Variants in LRRC20 observed in about 807,000 individuals in gnomAD.
LRRC20 encodes leucine rich repeat containing 20.
LRRC20 carries 11 observed loss-of-function variants against 14.4 expected under a neutral mutation model. The observed-to-expected ratio is 0.77, with a 90% confidence interval of 0.48 to 1.27. The LOEUF is 1.27. Ranked by LOEUF, LRRC20 falls within the 50% of genes most tolerant of loss-of-function variation. The pLI is 0.00. For missense variants in LRRC20, 219 were observed against 251.2 expected (o/e 0.87, Z 0.87); for synonymous variants, 121 against 107.3 (o/e 1.13, Z -0.79).
At chr10:70,339,180 G>A (rs187271221) in intron 3 of LRRC20, among the ~76,000 whole-genome samples, 1 of 152,338 alleles carries the variant, frequency 6.6e-6, no homozygotes, top group African/African-American at 2.4e-5. Context: ...GTAGACTATT[G>A]TGAAGCACTC....
intron 2 of LRRC20, among the ~76,000 whole-genome samples, chr10:70,344,275 C>G (rs1008603596): frequency 1.3e-5 from 2 of 152,052 alleles, no homozygotes; most frequent in African/African-American, 4.8e-5. Context: ...ATAGAAAGCA[C>G]AGACATTGAA....
intron 2 of LRRC20, among the ~76,000 whole-genome samples, chr10:70,353,913 T>C (rs1190798477): frequency 6.6e-6 from 1 of 152,186 alleles, no homozygotes; most frequent in Admixed American, 6.5e-5. Flanking sequence ...CACTAGTATA[T>C]TGCAGTTCCC....
At chr10:70,366,752 A>G (rs1345919180) in intron 2 of LRRC20, among the ~76,000 whole-genome samples, 1 of 152,190 alleles carries the variant, frequency 6.6e-6, no homozygotes, top group Non-Finnish European at 1.5e-5. Flanking sequence ...AACACAGAAA[A>G]TATTTGAAAA....
rs184816209 is a variant in LRRC20, at chr10:70,369,771, G to A, written c.82+6681C>T. Reference sequence around the variant, plus strand: ...TTAAAACCAGCAAACTGTTTACCACGATGCCTGGCATTTAATAAGGGCAAG... The same window carrying A: ...TTAAAACCAGCAAACTGTTTACCACAATGCCTGGCATTTAATAAGGGCAAG... On this transcript the variant is annotated intron_variant, in intron 2 of 4. Transcript: ENST00000446961. Among the ~76,000 whole-genome samples the A allele has an allele frequency of 1.2e-4, 19 of 152,132 alleles. No individual in the cohort carries two copies. In the East Asian group the frequency reaches 2.5e-3, roughly 20 times the overall value.
intron 3 of LRRC20, among the ~76,000 whole-genome samples, chr10:70,325,989 G>A (rs1227605908): frequency 6.6e-6 from 1 of 152,070 alleles, no homozygotes; most frequent in African/African-American, 2.4e-5. Flanking sequence ...TAAAATTCAT[G>A]CTCAATTTTG....
At chr10:70,349,099 G>A (rs887483188) in intron 2 of LRRC20, among the ~76,000 whole-genome samples, 1 of 152,174 alleles carries the variant, frequency 6.6e-6, no homozygotes, top group East Asian at 1.9e-4. Context: ...GGATGTCATC[G>A]AGAAGGTCTC....
chr10:70,354,199 G>A (rs1049821269), intron 2 of LRRC20, among the ~76,000 whole-genome samples: 1 of 152,086 alleles, frequency 6.6e-6, no homozygotes, highest in Non-Finnish European at 1.5e-5. Context: ...TTAATTAGTG[G>A]GGGCTGGGGC....
chr10:70,323,912 G>A lies in LRRC20; in HGVS notation c.351C>T (p.Thr117=), dbSNP rs556051923. ...TGATGGTCTCCAGCGCCGGCAGGGC[G>A]GTAAGCTGCTCAGGGAAGTCCTGGA... ...NQFQDFPEQL[T]ALPALETINL... The change falls in exon 4 of 5, where the codon ACC becomes ACT. Residue 117 remains threonine (T), a synonymous_variant. Transcript: ENST00000446961. The A allele has an allele frequency of 1.2e-5, 19 of 1,614,188 alleles. No individual in the cohort carries two copies. The highest frequency in any genetic ancestry group is 1.4e-5 in the Non-Finnish European group (17 of 1,180,032).
At chr10:70,313,283 G>A (rs1841737652) in intron 4 of LRRC20, among the ~76,000 whole-genome samples, 1 of 152,170 alleles carries the variant, frequency 6.6e-6, no homozygotes, top group Non-Finnish European at 1.5e-5. Flanking sequence ...CTGCTCTCAG[G>A]CCTCTCTTAG....
intron 3 of LRRC20, among the ~76,000 whole-genome samples, chr10:70,337,395 C>T (rs540579851): frequency 1.3e-5 from 2 of 152,304 alleles, no homozygotes; most frequent in East Asian, 3.9e-4. Flanking sequence ...CAATCCGCTG[C>T]CTCTGTGAAT....
Position 70,344,714 on chromosome 10 carries a change from G to A in LRRC20, c.83-4012C>T, listed in dbSNP as rs536766334. ...CCCGGGTAGCTGGGACTACAGGCAC[G>A]TGCCATCAAACCCGGCTAATTTTTG... On this transcript the variant is annotated intron_variant, in intron 2 of 4. Transcript: ENST00000446961. Among the ~76,000 whole-genome samples the A allele has an allele frequency of 6.6e-5, 10 of 152,162 alleles. No individual in the cohort carries two copies. In the South Asian group the frequency reaches 1.0e-3, roughly 16 times the overall value.
chr10:70,324,622 C>T (rs1007467487), intron 3 of LRRC20, among the ~76,000 whole-genome samples: 8 of 152,166 alleles, frequency 5.3e-5, no homozygotes, highest in Admixed American at 2.6e-4. Context: ...GCAGCTGGGC[C>T]GGGGGAGTCC....
chr10:70,335,057 CT>C (rs751933181), intron 3 of LRRC20, among the ~76,000 whole-genome samples: 122 of 152,302 alleles, frequency 8.0e-4, no homozygotes, highest in Non-Finnish European at 1.4e-3. Flanking sequence ...GAGGTCACCC[CT>C]GGGAGGGCCT....
intron 2 of LRRC20, among the ~76,000 whole-genome samples, chr10:70,347,292 G>A (rs1400962196): frequency 6.6e-6 from 1 of 152,180 alleles, no homozygotes; most frequent in Admixed American, 6.5e-5. Context: ...GGGCAGAGCT[G>A]TGAATAGGAG....
intron 2 of LRRC20, among the ~76,000 whole-genome samples, chr10:70,359,217 G>A (rs936774736): frequency 6.6e-6 from 1 of 151,834 alleles, no homozygotes; most frequent in East Asian, 1.9e-4. Flanking sequence ...CCTTCCATTC[G>A]AACACCTGAA....
At chr10:70,367,596 C>T (rs1297325369) in intron 2 of LRRC20, among the ~76,000 whole-genome samples, 2 of 152,076 alleles carry the variant, frequency 1.3e-5, no homozygotes, top group Non-Finnish European at 2.9e-5. Flanking sequence ...AGAAGCCAGG[C>T]TCAAGAGCTT....
In LRRC20 at chr10:70,376,591, C is replaced by A; in HGVS notation, c.-58G>T. On this transcript the variant is annotated 5_prime_UTR_variant, in exon 2 of 5. The change creates a new upstream start codon in the 5' untranslated region. Transcript: ENST00000446961. ...GCTGGTCTGCTTCTCACAAAAGGGC[C>A]TGAGCCTGGGGAAGACGCAGTGCCA... is the stretch of plus-strand genomic sequence containing the variant. 6.4e-7 allele frequency: 1 copy of A among 1,552,728 alleles called. No individual in the cohort carries two copies. The highest frequency in any genetic ancestry group is 1.7e-5 in the Admixed American group (1 of 59,840).
intron 2 of LRRC20, among the ~76,000 whole-genome samples, chr10:70,352,327 A>G (rs1245886840): frequency 6.6e-6 from 1 of 152,208 alleles, no homozygotes; most frequent in Non-Finnish European, 1.5e-5. Context: ...GCCTTGATTT[A>G]AATCTTTCAT....
chr10:70,380,087 G>A (rs1042622976), intron 1 of LRRC20, among the ~76,000 whole-genome samples: 22 of 152,278 alleles, frequency 1.4e-4, no homozygotes, highest in African/African-American at 5.3e-4. Flanking sequence ...CCACAGCCCA[G>A]GGGTTGAGGA....
Sources: allele counts gnomAD v4.1 joint callset (sites outside exome capture counted in the v4.1 genomes callset), GRCh38; gene constraint gnomAD v4.1.1; transcripts MANE v1.5; gene names NCBI Gene and HGNC (gene_info 2026-07-23, HGNC 2026-07-21).